Variants in FBXL2 observed in about 807,000 individuals in gnomAD.
The protein encoded by FBXL2 is F-box and leucine rich repeat protein 2.
Under a neutral mutation model 69.2 loss-of-function variants are expected in FBXL2, and 38 were observed. That is an observed-to-expected ratio of 0.55 (90% CI 0.42 to 0.72). The LOEUF (loss-of-function observed/expected upper bound fraction) is 0.72. Among genes scored for constraint, FBXL2 ranks in the 30% least tolerant of loss-of-function variants. FBXL2 has a pLI of 0.00. For synonymous variants in FBXL2, 192 were observed against 201.3 expected (o/e 0.95, Z 0.39); for missense variants, 354 against 520.3 (o/e 0.68, Z 3.11).
intron 2 of FBXL2, among the ~76,000 whole-genome samples, chr3:33,334,678 G>T (rs2039432049): frequency 1.3e-5 from 2 of 152,150 alleles, no homozygotes; most frequent in Admixed American, 6.5e-5. Flanking sequence ...ACAACCCACA[G>T]ATTCAAGAAG....
At chr3:33,350,344 G>A (rs1408298901) in intron 2 of FBXL2, among the ~76,000 whole-genome samples, 2 of 150,590 alleles carry the variant, frequency 1.3e-5, no homozygotes, top group African/African-American at 2.5e-5. Context: ...GCACCCACTC[G>A]TGATAAAAAT....
At chr3:33,412,621 AACTTTCCCCAC>A in the FBXL2 span, 1 of 818,004 alleles carries the variant, frequency 1.2e-6, no homozygotes, top group Non-Finnish European at 2.0e-6. Flanking sequence ...CAAACACCAA[AACTTTCCCCAC>A]ACAAGTAATT....
At chr3:33,380,555 T>TAAAA (rs57394351) in intron 13 of FBXL2, among the ~76,000 whole-genome samples, 2 of 97,326 alleles carry the variant, frequency 2.1e-5, no homozygotes, top group African/African-American at 7.3e-5. Flanking sequence ...CAAAACTCCA[T>TAAAA]AAAAAAAAAA....
At chr3:33,409,228 T>A in the FBXL2 span, 1 of 1,612,662 alleles carries the variant, frequency 6.2e-7, no homozygotes. Context: ...AATGCTTTAC[T>A]ACATTACCTC....
intron 2 of FBXL2, among the ~76,000 whole-genome samples, chr3:33,312,832 A>G (rs1006865470): frequency 1.3e-5 from 2 of 152,168 alleles, no homozygotes; most frequent in Admixed American, 6.5e-5. Context: ...CAGTTATTGA[A>G]ATGATAGGCC....
chr3:33,285,786 T>C (rs1457140223), intron 1 of FBXL2, among the ~76,000 whole-genome samples: 1 of 152,220 alleles, frequency 6.6e-6, no homozygotes, highest in Non-Finnish European at 1.5e-5. Flanking sequence ...TTTCGTTCAT[T>C]TGATCTTCCA....
intron 1 of FBXL2, among the ~76,000 whole-genome samples, chr3:33,285,559 C>T (rs990644087): frequency 1.3e-5 from 2 of 152,160 alleles, no homozygotes; most frequent in Non-Finnish European, 2.9e-5. Flanking sequence ...GTGGCATTCT[C>T]TGTATTTCCT....
intron 1 of FBXL2, among the ~76,000 whole-genome samples, chr3:33,296,527 G>A (rs9832065): frequency 0.032 from 4,923 of 151,938 alleles, 129 homozygotes; most frequent in African/African-American, 0.066. Flanking sequence ...TATTTAAGTC[G>A]CTGAGCCATT....
chr3:33,406,281 T>C (rs2044425293), downstream of FBXL2, among the ~76,000 whole-genome samples: 2 of 152,134 alleles, frequency 1.3e-5, no homozygotes, highest in Non-Finnish European at 2.9e-5. Context: ...AGACCCTTGT[T>C]TTTCTTTCCA....
the FBXL2 span, among the ~76,000 whole-genome samples, chr3:33,416,255 G>A: frequency 6.6e-6 from 1 of 152,122 alleles, no homozygotes; most frequent in Non-Finnish European, 1.5e-5. Context: ...ATGGATACAG[G>A]CTAGGAGGGG....
intron 2 of FBXL2, among the ~76,000 whole-genome samples, chr3:33,314,043 T>C (rs1575160907): frequency 1.3e-5 from 2 of 152,218 alleles, no homozygotes; most frequent in African/African-American, 4.8e-5. Flanking sequence ...TAATCTTTAT[T>C]CCTTTATGTC....
At chr3:33,415,226 A>T in the FBXL2 span, among the ~76,000 whole-genome samples, 10 of 152,238 alleles carry the variant, frequency 6.6e-5, no homozygotes, top group African/African-American at 2.2e-4. Flanking sequence ...TGCCCTGGAA[A>T]GCCAGCTTGT....
At chr3:33,327,882 T>G (rs1192655459) in intron 2 of FBXL2, among the ~76,000 whole-genome samples, 1 of 151,726 alleles carries the variant, frequency 6.6e-6, no homozygotes, top group Non-Finnish European at 1.5e-5. Flanking sequence ...GGCATCCAAA[T>G]TGGAAAGGAA....
Position 33,385,657 on chromosome 3 carries a change from A to T in FBXL2, c.*49A>T, listed in dbSNP as rs762247810. ...GTGATGAGGCATCCTTTCCTCTAGA[A>T]GACCTGAGTCTTCCTGACCGACTCC... On this transcript the variant is annotated 3_prime_UTR_variant, in exon 15 of 15. Coordinates refer to ENST00000484457, the MANE Select transcript of FBXL2 (RefSeq NM_012157.5). 9 of 1,462,364 alleles carry T rather than the reference A, an allele frequency of 6.2e-6. No individual in the cohort carries two copies. The Admixed American group carries it at 1.5e-4, about 25-fold the overall frequency. The allele number at this position is 1,462,364 out of a possible 1,614,324, so 90.6% of individuals were successfully genotyped here.
intron 2 of FBXL2, among the ~76,000 whole-genome samples, chr3:33,333,331 A>T (rs980077779): frequency 2.6e-5 from 4 of 152,198 alleles, no homozygotes; most frequent in Admixed American, 2.6e-4. Context: ...CAACAATCTT[A>T]GTTGGATGAT....
chr3:33,347,435 G>A (rs189209029), intron 2 of FBXL2, among the ~76,000 whole-genome samples: 1 of 152,310 alleles, frequency 6.6e-6, no homozygotes, highest in East Asian at 1.9e-4. Context: ...GGACACTTAA[G>A]TTGCTTCCAA....
Position 33,368,925 on chromosome 3 carries a change from T to C in FBXL2, c.291-4167T>C, listed in dbSNP as rs544031311. Among the ~76,000 whole-genome samples the C allele has an allele frequency of 2.0e-5, 3 of 152,310 alleles. No homozygotes were observed. In the East Asian group the frequency reaches 5.8e-4, roughly 29 times the overall value. ...ATCCAATATGACAATCTTTGCTTTT[T>C]AATTTGTGTTAGACCATTTGCATTT... On this transcript the variant is annotated intron_variant, in intron 5 of 14. Coordinates refer to ENST00000484457, the MANE Select transcript of FBXL2 (RefSeq NM_012157.5).
intron 4 of FBXL2, 142 bp from the exon 5 acceptor site, chr3:33,364,483 T>G (rs952600290): frequency 1.4e-6 from 1 of 734,444 alleles, no homozygotes; most frequent in Non-Finnish European, 2.4e-6. Context: ...AGGATAGAAC[T>G]GAGGTGTTAC....
At chr3:33,359,875 T>C (rs886726592) in intron 4 of FBXL2, among the ~76,000 whole-genome samples, 1 of 152,146 alleles carries the variant, frequency 6.6e-6, no homozygotes, top group Non-Finnish European at 1.5e-5. Context: ...ATACAGAATA[T>C]ATAAGATTCT....
Sources: gnomAD v4.1 joint callset for allele counts (sites outside exome capture counted in the v4.1 genomes callset) on GRCh38, gnomAD v4.1.1 for gene constraint, MANE v1.5 for transcripts, NCBI Gene and HGNC (gene_info 2026-07-23, HGNC 2026-07-21) for gene names.